The following PRSS8 variants were observed in gnomAD, a reference collection of about 807,000 sequenced individuals.
PRSS8 encodes serine protease 8.
Under a neutral mutation model 26.7 loss-of-function variants are expected in PRSS8, and 11 were observed. That is an observed-to-expected ratio of 0.41 (90% CI 0.26 to 0.68). The LOEUF (loss-of-function observed/expected upper bound fraction) is 0.68. Among genes scored for constraint, PRSS8 ranks in the 30% least tolerant of loss-of-function variants. The pLI is 0.30. For missense variants in PRSS8, 362 were observed against 443.5 expected, an observed-to-expected ratio of 0.82 and a Z score of 1.65; for synonymous variants, 183 against 187.0, an observed-to-expected ratio of 0.98 and a Z score of 0.17.
In PRSS8 at chr16:31,133,043, T is replaced by C. The variant is rs1202686300; in HGVS notation, c.267-90A>G. On this transcript the variant is annotated intron_variant, in intron 3 of 5. Transcript: ENST00000317508. The surrounding 1 kb of genome is among the most constrained non-coding windows in gnomAD (Gnocchi z 4.7). ...AACCCCTGATTCCGATCAGCCCCTT[T>C]TAGGTCTCAAATTGCACCTTAGTTT... is the stretch of plus-strand genomic sequence containing the variant. The C allele has an allele frequency of 5.0e-6, 8 of 1,585,010 alleles. No homozygotes were observed. The highest frequency in any genetic ancestry group is 6.9e-6 in the Non-Finnish European group (8 of 1,166,754).
chr16:31,132,008 C>T lies in PRSS8; in HGVS notation c.*1G>A. ...GCATCCATCCTGGAAGTAGGGCCAGCTCAGTGCTCGCTGAGCCATGGGGAG... is the reference window on the plus strand; with the variant it reads ...GCATCCATCCTGGAAGTAGGGCCAGTTCAGTGCTCGCTGAGCCATGGGGAG... On this transcript the variant is annotated 3_prime_UTR_variant, in exon 6 of 6. Transcript: ENST00000317508. The surrounding 1 kb of genome is among the most constrained non-coding windows in gnomAD (Gnocchi z 5.2). 1 of 1,557,190 alleles carries T rather than the reference C, an allele frequency of 6.4e-7. No individual in the cohort carries two copies. Among genetic ancestry groups the T allele is most frequent in the Non-Finnish European group, 8.7e-7 (1 of 1,150,394 alleles).
chr16:31,135,361 C>A (rs746841732), intron 1 of PRSS8, 53 bp downstream of exon 1: 2 of 1,573,372 alleles, frequency 1.3e-6, no homozygotes, highest in African/African-American at 1.4e-5. Context: ...AAAATGATCA[C>A]GCCGGCTCCC....
In PRSS8 at chr16:31,132,330, G is replaced by A; in HGVS notation, c.711C>T (p.Asp237=). The change falls in exon 6 of 6, where the codon GAC becomes GAT. Residue 237 remains aspartate (D), a synonymous_variant. Coordinates refer to ENST00000317508, the MANE Select transcript of PRSS8 (RefSeq NM_002773.5). This position sits in a 1 kb window ranked among gnomAD's most constrained non-coding sequence, Gnocchi z 5.2. Reference sequence around the variant, plus strand: ...CAGGGCAGGAGAGTGGGCCCCCAGAGTCACCCTGAGGAGAGAAGCCACACA... The same window carrying A: ...CAGGGCAGGAGAGTGGGCCCCCAGAATCACCCTGAGGAGAGAAGCCACACA... ...VEGGKDACQG[D]SGGPLSCPVE... is the part of the protein sequence containing the mutation. 6.2e-7 allele frequency: 1 copy of A among 1,613,876 alleles called. No individual in the cohort carries two copies. The highest frequency in any genetic ancestry group is 8.5e-7 in the Non-Finnish European group (1 of 1,179,856).
Position 31,132,543 on chromosome 16 carries a change from A to G in PRSS8, c.591T>C (p.Ser197=), listed in dbSNP as rs750425055. The G allele has an allele frequency of 2.5e-6, 4 of 1,613,874 alleles. No individual in the cohort carries two copies. In the South Asian group the frequency reaches 3.3e-5, roughly 13 times the overall value. The change falls in exon 5 of 6, where the codon AGT becomes AGC. Residue 197 remains serine (S), a synonymous_variant. Coordinates refer to ENST00000317508, the MANE Select transcript of PRSS8 (RefSeq NM_002773.5). The surrounding 1 kb of genome is among the most constrained non-coding windows in gnomAD (Gnocchi z 5.2). ...TGTACAGGCAGTTACACGTCTCACG[A>G]CTGATCAGAGGCACCTCGAGTTGCT... ...PLQQLEVPLI[S]RETCNCLYNI... is the part of the protein sequence containing the mutation.
Position 31,133,345 on chromosome 16 carries a change from G to A in PRSS8, c.147C>T (p.Ser49=). 6.2e-7 allele frequency: 1 copy of A among 1,613,998 alleles called. No homozygotes were observed. The highest frequency in any genetic ancestry group is 8.5e-7 in the Non-Finnish European group (1 of 1,179,894). ...AGGGCCACTGACCGGCGACTGCACT[G>A]CTGCCACCTGTGATGCGTGCTTGGG... ...VAPQARITGG[S]SAVAGQWPWQ... The change falls in exon 3 of 6, where the codon AGC becomes AGT. Residue 49 remains serine (S), a synonymous_variant. Transcript: ENST00000317508. This position sits in a 1 kb window ranked among gnomAD's most constrained non-coding sequence, Gnocchi z 4.7.
In PRSS8 at chr16:31,135,421, C is replaced by A; in HGVS notation, c.78G>T (p.Ser26=). The A allele has an allele frequency of 6.3e-7, 1 of 1,593,908 alleles. No individual in the cohort carries two copies. The highest frequency in any genetic ancestry group is 2.3e-5 in the East Asian group (1 of 43,602). ...AILLYLGLLR[S]GTGAEGAEAP... Reference sequence around the variant, plus strand: ...CCCCACGTCCTCACTTACCTGTCCCCGACCGGAGTAATCCAAGATAGAGCA... The same window carrying A: ...CCCCACGTCCTCACTTACCTGTCCCAGACCGGAGTAATCCAAGATAGAGCA... Residue 26 remains serine, a synonymous_variant, in exon 1 of 6, where the codon TCG becomes TCT. Transcript: ENST00000317508.
intron 1 of PRSS8, 64 bp from the exon 2 acceptor site, chr16:31,135,235 C>T (rs1337695089): frequency 6.2e-6 from 10 of 1,608,028 alleles, no homozygotes; most frequent in Non-Finnish European, 8.5e-6. Flanking sequence ...CCCCTTAGTA[C>T]CCACCACTGC....
At position 31,132,204 on chromosome 16, in the gene PRSS8, G is replaced by A. The variant is rs753363785; in HGVS notation, c.837C>T (p.Ser279=). The A allele has an allele frequency of 6.2e-7, 1 of 1,613,938 alleles. No homozygotes were observed. Among genetic ancestry groups the A allele is most frequent in the Middle Eastern group, 1.6e-4 (1 of 6,062 alleles). Residue 279 remains serine, a synonymous_variant, in exon 6 of 6, where the codon TCC becomes TCT. Transcript: ENST00000317508. This position sits in a 1 kb window ranked among gnomAD's most constrained non-coding sequence, Gnocchi z 5.2. ...GVYTLASSYA[S]WIQSKVTELQ... is the part of the protein sequence containing the mutation. ...GTTCTGTCACCTTGCTTTGGATCCA[G>A]GAGGCATAGCTGGAGGCCAGAGTGT...
In PRSS8 at chr16:31,135,188, AGAG is replaced by A. The variant is rs1221305381; in HGVS notation, c.86-20_86-18del. ...CTTCCGCTCCTAGAAAGAAAGAGAA[AGAG>A]GAGGGGTGAGTAGGGAAGACTCGGG... On this transcript the variant is annotated intron_variant, in intron 1 of 5. Transcript: ENST00000317508. The A allele has an allele frequency of 6.2e-7, 1 of 1,612,672 alleles. No individual in the cohort carries two copies. The highest frequency in any genetic ancestry group is 8.5e-7 in the Non-Finnish European group (1 of 1,179,496).
rs1450612224 is a variant in PRSS8 at position 31,132,565 on chromosome 16, T to A, written c.569A>T (p.Gln190Leu). The stretch of plus-strand genomic sequence containing the variant: ...ACGACTGATCAGAGGCACCTCGAGT[T>A]GCTGCAGTGGCTTGGGCGTCAGGAG... ...VSLLTPKPLQQLEVPLISRET... is the reference protein window; with the variant it reads ...VSLLTPKPLQLLEVPLISRET... Residue 190 changes from glutamine (Q) to leucine (L), a missense_variant, in exon 5 of 6, where the codon CAA becomes CTA. Physicochemically the swap from Gln to Leu is moderately radical, Grantham distance 113. Coordinates refer to ENST00000317508, the MANE Select transcript of PRSS8 (RefSeq NM_002773.5). This position sits in a 1 kb window ranked among gnomAD's most constrained non-coding sequence, Gnocchi z 5.2. 1 of 1,614,034 alleles carries A rather than the reference T, an allele frequency of 6.2e-7. No individual in the cohort carries two copies. The highest frequency in any genetic ancestry group is 1.7e-5 in the Admixed American group (1 of 60,022).
Position 31,132,962 on chromosome 16 carries a change from A to C in PRSS8, c.267-9T>G. 1.2e-6 allele frequency: 2 copies of C among 1,600,458 alleles called. No individual in the cohort carries two copies. Among genetic ancestry groups the C allele is most frequent in the South Asian group, 2.2e-5 (2 of 89,624 alleles). ...CTTCCTTGTGGTGCTCGCTGCAGGC[A>C]GGGGGCAAAGGCTGAGACCCAGGAG... On this transcript the variant is annotated splice_polypyrimidine_tract_variant and intron_variant, in intron 3 of 5. Coordinates refer to ENST00000317508, the MANE Select transcript of PRSS8 (RefSeq NM_002773.5). The surrounding 1 kb of genome is among the most constrained non-coding windows in gnomAD (Gnocchi z 5.2).
At chr16:31,134,092 G>C (rs1444252689) in intron 2 of PRSS8, 1 of 153,760 alleles carries the variant, frequency 6.5e-6, no homozygotes, top group African/African-American at 2.4e-5. Flanking sequence ...GTGGCGTCGT[G>C]GACATATATT....
chr16:31,131,716 T>A lies in PRSS8; in HGVS notation c.*293A>T. ...AGGTGGGAGCCAGGGCTCATTTTCA[T>A]AGCCAAGGGTCCCAGGAGCTCCCCA... On this transcript the variant is annotated 3_prime_UTR_variant, in exon 6 of 6. Transcript: ENST00000317508. 1 of 430,618 alleles carries A rather than the reference T, an allele frequency of 2.3e-6. No individual in the cohort carries two copies. Among genetic ancestry groups the A allele is most frequent in the South Asian group, 4.0e-5 (1 of 25,102 alleles). The allele number at this position is 430,618 out of a possible 1,614,324, so 26.7% of individuals were successfully genotyped here.
Position 31,135,452 on chromosome 16 carries a change from G to A in PRSS8, c.47C>T (p.Ala16Val). ...VLGPGQLGAV[A>V]ILLYLGLLRS... ...GAGTAATCCAAGATAGAGCAGAATG[G>A]CCACAGCCCCCAGCTGCCCAGGCCC... Residue 16 changes from alanine (A) to valine (V), a missense_variant, in exon 1 of 6, where the codon GCC becomes GTC. Physicochemically the swap from Ala to Val is moderately conservative, Grantham distance 64. Coordinates refer to ENST00000317508, the MANE Select transcript of PRSS8 (RefSeq NM_002773.5). 6.3e-7 allele frequency: 1 copy of A among 1,592,894 alleles called. No homozygotes were observed. The highest frequency in any genetic ancestry group is 8.5e-7 in the Non-Finnish European group (1 of 1,170,380).
At position 31,132,991 on chromosome 16, in the gene PRSS8, T is replaced by G; in HGVS notation, c.267-38A>C. The stretch of plus-strand genomic sequence containing the variant: ...GGCAAAGGCTGAGACCCAGGAGACC[T>G]CTCCTTGTTCCCCAACCCCCACTGC... On this transcript the variant is annotated intron_variant, in intron 3 of 5. Transcript: ENST00000317508. The surrounding 1 kb of genome is among the most constrained non-coding windows in gnomAD (Gnocchi z 5.2). The G allele has an allele frequency of 6.3e-7, 1 of 1,585,914 alleles. No individual in the cohort carries two copies. Among genetic ancestry groups the G allele is most frequent in the Non-Finnish European group, 8.6e-7 (1 of 1,166,408 alleles).
chr16:31,132,190 T>C lies in PRSS8; in HGVS notation c.851A>G (p.Lys284Arg). The C allele has an allele frequency of 6.2e-7, 1 of 1,613,956 alleles. No homozygotes were observed. Reference protein sequence around the residue: ...ASSYASWIQSKVTELQPRVVP... With the variant: ...ASSYASWIQSRVTELQPRVVP... Reference sequence around the variant, plus strand: ...CACACGAGGCTGGAGTTCTGTCACCTTGCTTTGGATCCAGGAGGCATAGCT... The same window carrying C: ...CACACGAGGCTGGAGTTCTGTCACCCTGCTTTGGATCCAGGAGGCATAGCT... Residue 284 changes from lysine to arginine, a missense_variant, in exon 6 of 6, where the codon AAG (lysine) becomes AGG (arginine). By Grantham distance (26) the Lys-to-Arg change is conservative. Transcript: ENST00000317508. This position sits in a 1 kb window ranked among gnomAD's most constrained non-coding sequence, Gnocchi z 5.2.
In PRSS8 at chr16:31,131,943, GCCA is replaced by G; in HGVS notation, c.*63_*65del. The G allele has an allele frequency of 6.9e-7, 1 of 1,450,766 alleles. No individual in the cohort carries two copies. 89.9% of individuals were successfully genotyped at this position (1,450,766 alleles called of 1,614,324 possible). On this transcript the variant is annotated 3_prime_UTR_variant, in exon 6 of 6. Coordinates refer to ENST00000317508, the MANE Select transcript of PRSS8 (RefSeq NM_002773.5). The stretch of plus-strand genomic sequence containing the variant: ...CTCAAGTCAGGCCCTGGGTCCAAAG[GCCA>G]TCAGGGAAGGACCAGGCTCCTGTCC...
In PRSS8 at chr16:31,132,225, A is replaced by AGT. The variant is rs747618639; in HGVS notation, c.814_815dup (p.Ala274TrpfsTer13). 1 of 1,613,842 alleles carries AGT rather than the reference A, an allele frequency of 6.2e-7. No homozygotes were observed. Among genetic ancestry groups the AGT allele is most frequent in the Non-Finnish European group, 8.5e-7 (1 of 1,179,806 alleles). On this transcript the variant is annotated frameshift_variant, in exon 6 of 6. Coordinates refer to ENST00000317508, the MANE Select transcript of PRSS8 (RefSeq NM_002773.5). LOFTEE classifies it low-confidence loss of function (END_TRUNC). The surrounding 1 kb of genome is among the most constrained non-coding windows in gnomAD (Gnocchi z 5.2). Reference sequence around the variant, plus strand: ...TCCAGGAGGCATAGCTGGAGGCCAGAGTGTACACACCAGGCCTGTTGCGGG... The same window carrying AGT: ...TCCAGGAGGCATAGCTGGAGGCCAGAGTGTGTACACACCAGGCCTGTTGCGGG...
Position 31,132,280 on chromosome 16 carries a change from C to T in PRSS8, c.761G>A (p.Gly254Asp). The change falls in exon 6 of 6, where the codon GGC becomes GAC. Residue 254 changes from glycine to aspartate, a missense_variant. Transcript: ENST00000317508. The surrounding 1 kb of genome is among the most constrained non-coding windows in gnomAD (Gnocchi z 5.2). Reference protein sequence around the residue: ...CPVEGLWYLTGIVSWGDACGA... With the variant: ...CPVEGLWYLTDIVSWGDACGA... ...ACAGGCATCTCCCCAGCTCACAATG[C>T]CCGTCAGGTACCAGAGACCCTCCAC... The T allele has an allele frequency of 6.2e-7, 1 of 1,613,668 alleles. No homozygotes were observed. Among genetic ancestry groups the T allele is most frequent in the Non-Finnish European group, 8.5e-7 (1 of 1,179,746 alleles).
Sources: allele counts gnomAD v4.1 joint callset, GRCh38; gene constraint gnomAD v4.1.1; non-coding constraint Gnocchi (gnomAD v3.1); transcripts MANE v1.5; gene names NCBI Gene and HGNC (gene_info 2026-07-23, HGNC 2026-07-21).